The following CAD variants were observed in gnomAD, a reference collection of about 807,000 sequenced individuals.
CAD encodes multifunctional protein CAD.
CAD carries 81 observed loss-of-function variants against 237.2 expected under a neutral mutation model. That is an observed-to-expected ratio of 0.34 (90% CI 0.29 to 0.41). The LOEUF is 0.41. Among genes scored for constraint, CAD ranks in the 10% least tolerant of loss-of-function variants. The pLI is 1.00. For missense variants in CAD, 2,181 were observed against 2,951.7 expected (o/e 0.74, Z 6.05); for synonymous variants, 1,196 against 1,162.8 (o/e 1.03, Z -0.58).
rs2148088154 is a variant in CAD at position 27,237,895 on chromosome 2, C to A, written c.4728+13C>A. 1 of 1,594,946 alleles carries A rather than the reference C, an allele frequency of 6.3e-7. No individual in the cohort carries two copies. Among genetic ancestry groups the A allele is most frequent in the Non-Finnish European group, 8.6e-7 (1 of 1,167,848 alleles). ...CCAGTGGATGGAGGTAGGGAGTGTG[C>A]ATGTGGCAGGAGGCCACCACCCAGT... On this transcript the variant is annotated intron_variant, in intron 29 of 43. Coordinates refer to ENST00000264705, the MANE Select transcript of CAD (RefSeq NM_004341.5). This position sits in a 1 kb window ranked among gnomAD's most constrained non-coding sequence, Gnocchi z 4.0.
At position 27,242,209 on chromosome 2, in the gene CAD, T is replaced by C. The variant is rs937078083; in HGVS notation, c.6096+86T>C. 1.3e-6 allele frequency: 2 copies of C among 1,583,728 alleles called. No individual in the cohort carries two copies. The highest frequency in any genetic ancestry group is 3.4e-5 in the Admixed American group (2 of 58,490). ...CCTTCTGCCCACGTTTTCTGTGTTT[T>C]GGGCCAGATGAGTGAGGGGACCCCA... is the stretch of plus-strand genomic sequence containing the variant. On this transcript the variant is annotated intron_variant, in intron 39 of 43. Coordinates refer to ENST00000264705, the MANE Select transcript of CAD (RefSeq NM_004341.5). This position sits in a 1 kb window ranked among gnomAD's most constrained non-coding sequence, Gnocchi z 6.4.
At position 27,240,866 on chromosome 2, in the gene CAD, A is replaced by G; in HGVS notation, c.5594-45A>G. On this transcript the variant is annotated intron_variant, in intron 35 of 43. Coordinates refer to ENST00000264705, the MANE Select transcript of CAD (RefSeq NM_004341.5). The surrounding 1 kb of genome is among the most constrained non-coding windows in gnomAD (Gnocchi z 4.6). Reference sequence around the variant, plus strand: ...CCTGGGAATATGGGGTTTCTTTCCAAACCTCAGCCATAAATGTATATCTGT... The same window carrying G: ...CCTGGGAATATGGGGTTTCTTTCCAGACCTCAGCCATAAATGTATATCTGT... 1 of 1,605,846 alleles carries G rather than the reference A, an allele frequency of 6.2e-7. No individual in the cohort carries two copies. Among genetic ancestry groups the G allele is most frequent in the Non-Finnish European group, 8.5e-7 (1 of 1,172,638 alleles).
chr2:27,225,381 A>G (rs1675393671), intron 11 of CAD, 138 bp downstream of exon 11: 2 of 604,382 alleles, frequency 3.3e-6, no homozygotes, highest in Admixed American at 3.3e-5. Context: ...ATCTCGGCTC[A>G]TCATAACCTC....
chr2:27,236,796 C>T lies in CAD; in HGVS notation c.4362C>T (p.Asp1454=), dbSNP rs756521155. The change falls in exon 27 of 44, where the codon GAC becomes GAT. Residue 1454 remains aspartate, a synonymous_variant. Transcript: ENST00000264705. This position sits in a 1 kb window ranked among gnomAD's most constrained non-coding sequence, Gnocchi z 4.1. Reference sequence around the variant, plus strand: ...CCCCTCCTTTGAAGGTGCATGTTGACTGTATGACCTCCCAAAAGCTTGTGC... The same window carrying T: ...CCCCTCCTTTGAAGGTGCATGTTGATTGTATGACCTCCCAAAAGCTTGTGC... ...GPAPPLKVHV[D]CMTSQKLVRL... 11 of 1,614,146 alleles carry T rather than the reference C, an allele frequency of 6.8e-6. No individual in the cohort carries two copies. The highest frequency in any genetic ancestry group is 9.3e-6 in the Non-Finnish European group (11 of 1,180,018).
At chr2:27,243,392 T>C in intron 43 of CAD, 24 bp from the exon 44 acceptor site, 1 of 214,380 alleles carries the variant, frequency 4.7e-6, no homozygotes, top group South Asian at 8.4e-5. Context: ...AACACTTCCT[T>C]TTTTTTTTTT....
chr2:27,241,621 T>TG lies in CAD; in HGVS notation c.5883+229dup, dbSNP rs941515185. ...GAGCATGAGACCATCGCCCCACTAG[T>TG]GGGGTCTTCTGGTCTGGGCTGCTGC... On this transcript the variant is annotated intron_variant, in intron 38 of 43. Transcript: ENST00000264705. This position sits in a 1 kb window ranked among gnomAD's most constrained non-coding sequence, Gnocchi z 4.6. Among the ~76,000 whole-genome samples the TG allele has an allele frequency of 4.6e-5, 7 of 152,170 alleles. No individual in the cohort carries two copies. Among genetic ancestry groups the TG allele is most frequent in the African/African-American group, 1.7e-4 (7 of 41,442 alleles).
Position 27,236,817 on chromosome 2 carries a change from T to G in CAD, c.4383T>G (p.Leu1461=). The stretch of plus-strand genomic sequence containing the variant: ...TTGACTGTATGACCTCCCAAAAGCT[T>G]GTGCGACTGCCGGGTAAGTCTTTGG... ...VHVDCMTSQK[L]VRLPGLIDVH... is the part of the protein sequence containing the mutation. Residue 1461 remains leucine, a synonymous_variant, in exon 27 of 44, where the codon CTT becomes CTG. Coordinates refer to ENST00000264705, the MANE Select transcript of CAD (RefSeq NM_004341.5). The surrounding 1 kb of genome is among the most constrained non-coding windows in gnomAD (Gnocchi z 4.1). 1.2e-6 allele frequency: 2 copies of G among 1,614,116 alleles called. No individual in the cohort carries two copies. The highest frequency in any genetic ancestry group is 4.5e-5 in the East Asian group (2 of 44,870).
rs990652128 is a variant in CAD at position 27,233,159 on chromosome 2, T to A, written c.2991+19T>A. On this transcript the variant is annotated intron_variant, in intron 19 of 43. Transcript: ENST00000264705. The surrounding 1 kb of genome is among the most constrained non-coding windows in gnomAD (Gnocchi z 6.3). Reference sequence around the variant, plus strand: ...TTTTGAGGTGAGGGAGATGGAGGCTTCCTGGTAGCTTGAGTGGCCAGGGTC... The same window carrying A: ...TTTTGAGGTGAGGGAGATGGAGGCTACCTGGTAGCTTGAGTGGCCAGGGTC... 5.7e-6 allele frequency: 9 copies of A among 1,572,832 alleles called. No individual in the cohort carries two copies. Among genetic ancestry groups the A allele is most frequent in the Non-Finnish European group, 7.9e-6 (9 of 1,142,430 alleles).
intron 5 of CAD, 21 bp downstream of exon 5, chr2:27,222,681 C>G (rs752159073): frequency 3.1e-6 from 5 of 1,606,208 alleles, no homozygotes; most frequent in Non-Finnish European, 4.3e-6. Flanking sequence ...GGGGCCTGTT[C>G]AGGGCCTCAG....
Position 27,236,481 on chromosome 2 carries a change from G to T in CAD, c.4272G>T (p.Val1424=). The change falls in exon 26 of 44, where the codon GTG becomes GTT. Residue 1424 remains valine, a synonymous_variant. Coordinates refer to ENST00000264705, the MANE Select transcript of CAD (RefSeq NM_004341.5). This position sits in a 1 kb window ranked among gnomAD's most constrained non-coding sequence, Gnocchi z 4.1. ...GACGCTTGGCCGCTGACTTCTCCGT[G>T]CCCCTAATCATCGATATCAAGTGCA... is the stretch of plus-strand genomic sequence containing the variant. ...RTRRLAADFS[V]PLIIDIKCTK... 2 of 1,613,546 alleles carry T rather than the reference G, an allele frequency of 1.2e-6. No homozygotes were observed. Among genetic ancestry groups the T allele is most frequent in the Non-Finnish European group, 8.5e-7 (1 of 1,180,046 alleles).
Position 27,233,006 on chromosome 2 carries a change from C to T in CAD, c.2893-36C>T. On this transcript the variant is annotated intron_variant, in intron 18 of 43. Transcript: ENST00000264705. This position sits in a 1 kb window ranked among gnomAD's most constrained non-coding sequence, Gnocchi z 6.3. ...GATTTTCTCCACGATTTTCCTCCCA[C>T]CTGACTGCTAAGTACCCTTCCCCTC... 1 of 1,376,312 alleles carries T rather than the reference C, an allele frequency of 7.3e-7. No homozygotes were observed. Among genetic ancestry groups the T allele is most frequent in the Non-Finnish European group, 1.0e-6 (1 of 963,070 alleles). 85.3% of individuals were successfully genotyped at this position (1,376,312 alleles called of 1,614,324 possible). A position where few individuals can be genotyped will look rare whatever the true frequency, so the allele number is the denominator to read the frequency against.
rs1676438468 is a variant in CAD at position 27,243,528 on chromosome 2, T to G, written c.*10T>G. The G allele has an allele frequency of 6.4e-7, 1 of 1,574,116 alleles. No homozygotes were observed. On this transcript the variant is annotated 3_prime_UTR_variant, in exon 44 of 44. Transcript: ENST00000264705. ...GCTGGGCCGTTTCTAGGGCCTGGCT[T>G]CCTCAGCCTCTTCTCTTTAGGCCCA... is the stretch of plus-strand genomic sequence containing the variant.
chr2:27,217,820 G>A, intron 1 of CAD, 57 bp from the exon 2 acceptor site: 1 of 1,536,026 alleles, frequency 6.5e-7, no homozygotes, highest in Admixed American at 2.0e-5. Context: ...TGCTCATCGC[G>A]CGGGGAGTGT....
chr2:27,222,879 C>T lies in CAD; in HGVS notation c.651C>T (p.Leu217=), dbSNP rs549104107. 1.2e-6 allele frequency: 2 copies of T among 1,614,136 alleles called. No individual in the cohort carries two copies. Among genetic ancestry groups the T allele is most frequent in the Non-Finnish European group, 1.7e-6 (2 of 1,180,008 alleles). The change falls in exon 6 of 44, where the codon CTC becomes CTT. Residue 217 remains leucine (L), a synonymous_variant. Coordinates refer to ENST00000264705, the MANE Select transcript of CAD (RefSeq NM_004341.5). Reference sequence around the variant, plus strand: ...TGCCCACTCCAGAGTATGAGGGTCTCTTCTTAAGTAATGGGCCTGGTGACC... The same window carrying T: ...TGCCCACTCCAGAGTATGAGGGTCTTTTCTTAAGTAATGGGCCTGGTGACC... ...HALDSQEYEG[L]FLSNGPGDPA...
Position 27,242,896 on chromosome 2 carries a change from G to T in CAD, c.6403G>T (p.Ala2135Ser), listed in dbSNP as rs1366250208. ...KQEEFESIEE[A>S]LPDTDVLYMT... ...GGAGGAATTCGAGAGCATTGAGGAGGCGCTGCCTGACACTGATGTGCTCTA... is the reference window on the plus strand; with the variant it reads ...GGAGGAATTCGAGAGCATTGAGGAGTCGCTGCCTGACACTGATGTGCTCTA... The change falls in exon 42 of 44, where the codon GCG becomes TCG. Residue 2135 changes from alanine to serine, a missense_variant. Transcript: ENST00000264705. This position sits in a 1 kb window ranked among gnomAD's most constrained non-coding sequence, Gnocchi z 6.4. 1 of 1,614,130 alleles carries T rather than the reference G, an allele frequency of 6.2e-7. No homozygotes were observed. The highest frequency in any genetic ancestry group is 1.1e-5 in the South Asian group (1 of 91,078).
At chr2:27,231,038 C>G (rs564162389) in intron 15 of CAD, among the ~76,000 whole-genome samples, 2 of 152,358 alleles carry the variant, frequency 1.3e-5, no homozygotes, top group South Asian at 4.1e-4. Flanking sequence ...CGGAGTCTCG[C>G]TTTGTTCCCC....
chr2:27,243,397 T>TC lies in CAD; in HGVS notation c.6576-19_6576-18insC. On this transcript the variant is annotated intron_variant, in intron 43 of 43. Transcript: ENST00000264705. ...GCTGCACGATAACACTTCCTTTTTTTTTTTTTTTTTTTTTGCAGCGTGGAA... is the reference window on the plus strand; with the variant it reads ...GCTGCACGATAACACTTCCTTTTTTTCTTTTTTTTTTTTTTGCAGCGTGGAA... 6.9e-7 allele frequency: 1 copy of TC among 1,455,742 alleles called. No homozygotes were observed. Among genetic ancestry groups the TC allele is most frequent in the East Asian group, 2.6e-5 (1 of 39,166 alleles). The allele number at this position is 1,455,742 out of a possible 1,614,324, so 90.2% of individuals were successfully genotyped here. A position where few individuals can be genotyped will look rare whatever the true frequency, so the allele number is the denominator to read the frequency against.
chr2:27,228,665 C>G (rs753770762), intron 15 of CAD, among the ~76,000 whole-genome samples: 3 of 151,518 alleles, frequency 2.0e-5, no homozygotes, highest in African/African-American at 7.3e-5. Context: ...GATCTCGGCT[C>G]ACCACAATCT....
intron 3 of CAD, 67 bp from the exon 4 acceptor site, chr2:27,222,127 G>A (rs1475943607): frequency 1.1e-5 from 16 of 1,517,540 alleles, no homozygotes; most frequent in Admixed American, 1.8e-5. Flanking sequence ...AAGTGCTTCT[G>A]GAAGTCTAAC....
Sources: allele counts gnomAD v4.1 joint callset (sites outside exome capture counted in the v4.1 genomes callset), GRCh38; gene constraint gnomAD v4.1.1; non-coding constraint Gnocchi (gnomAD v3.1); transcripts MANE v1.5; gene names NCBI Gene and HGNC (gene_info 2026-07-23, HGNC 2026-07-21).